PALM2AKAP2: variants seen among roughly 807,000 people sequenced by gnomAD.
PALM2AKAP2 encodes PALM2 and AKAP2 fusion, also known as PALM2-AKAP2 fusion protein.
PALM2AKAP2 carries 37 observed loss-of-function variants against 71.5 expected under a neutral mutation model. The ratio of observed to expected loss-of-function variants is 0.52; its 90% CI spans 0.40 to 0.68. The LOEUF (loss-of-function observed/expected upper bound fraction) is 0.68. PALM2AKAP2 is among the 30% of genes least tolerant of loss of function. The pLI is 0.00. For synonymous variants in PALM2AKAP2, 468 were observed against 478.8 expected, an observed-to-expected ratio of 0.98 and a Z score of 0.29; for missense variants, 1,224 against 1,191.8, an observed-to-expected ratio of 1.03 and a Z score of -0.40.
chr9:109,918,803 G>T (rs1284550351), intron 3 of PALM2AKAP2, among the ~76,000 whole-genome samples: 35 of 152,342 alleles, frequency 2.3e-4, no homozygotes, highest in Non-Finnish European at 5.9e-5. Flanking sequence ...TCTGCTATTG[G>T]ATCTGACATA....
chr9:109,867,164 C>CTGTG (rs56194780), intron 1 of PALM2AKAP2: 21,401 of 395,898 alleles, frequency 0.054, 470 homozygotes, highest in Non-Finnish European at 0.073. Context: ...ACATGGTTCT[C>CTGTG]TGTGTGTGTG....
intron 3 of PALM2AKAP2, among the ~76,000 whole-genome samples, chr9:109,917,848 C>T (rs1027650073): frequency 6.6e-6 from 1 of 151,494 alleles, no homozygotes; most frequent in Non-Finnish European, 1.5e-5. Context: ...TTTTTACTTA[C>T]ATCTCATTGG....
chr9:110,043,536 T>G (rs1833541379), intron 7 of PALM2AKAP2, among the ~76,000 whole-genome samples: 1 of 152,156 alleles, frequency 6.6e-6, no homozygotes, highest in Non-Finnish European at 1.5e-5. Context: ...TCACTTGATT[T>G]TCATCATTCC....
chr9:109,967,870 G>A (rs1045610066), intron 6 of PALM2AKAP2, among the ~76,000 whole-genome samples: 3 of 152,174 alleles, frequency 2.0e-5, no homozygotes, highest in Admixed American at 6.5e-5. Context: ...TGGGTTTGGG[G>A]TACCATGAAG....
intron 3 of PALM2AKAP2, among the ~76,000 whole-genome samples, chr9:109,897,472 C>T (rs1383477159): frequency 6.6e-6 from 1 of 151,726 alleles, no homozygotes; most frequent in African/African-American, 2.4e-5. Context: ...CCCAGCTACT[C>T]GGGAGGCTGA....
intron 1 of PALM2AKAP2, among the ~76,000 whole-genome samples, chr9:109,846,910 A>G (rs142882190): frequency 6.6e-6 from 1 of 152,346 alleles, no homozygotes; most frequent in African/African-American, 2.4e-5. Context: ...AATGTTGGCC[A>G]GGACAGCACT....
chr9:109,940,498 G>T (rs573273672), intron 6 of PALM2AKAP2, among the ~76,000 whole-genome samples: 2 of 152,162 alleles, frequency 1.3e-5, no homozygotes, highest in African/African-American at 4.8e-5. Flanking sequence ...AGATATTTAC[G>T]TCTGGGATGG....
At position 109,702,752 on chromosome 9, in the gene PALM2AKAP2, T is replaced by TAAA. The variant is rs566421995; in HGVS notation, c.5+61897_5+61899dup. Among the ~76,000 whole-genome samples, 56 of 139,586 alleles carry TAAA rather than the reference T, an allele frequency of 4.0e-4. 1 individual carries two copies. Among genetic ancestry groups the TAAA allele is most frequent in the Admixed American group, 7.8e-4 (11 of 14,014 alleles). 91.6% of individuals were successfully genotyped at this position (139,586 alleles called of 152,430 possible). On this transcript the variant is annotated intron_variant, in intron 1 of 6. Transcript: ENST00000374531. ...TGCCCTAAAACTTAAGGTATAATAA[T>TAAA]AAAAAAAAAAAAAGAAAATAAATCC...
upstream of PALM2AKAP2, chr9:109,780,280 G>A (rs1266222962): frequency 1.7e-6 from 2 of 1,209,096 alleles, no homozygotes; most frequent in Non-Finnish European, 2.1e-6. Flanking sequence ...GCAGCCAGGC[G>A]GCCGGGAGGG....
intron 1 of PALM2AKAP2, among the ~76,000 whole-genome samples, chr9:109,685,031 A>G (rs1372001280): frequency 3.3e-5 from 5 of 152,254 alleles, no homozygotes; most frequent in African/African-American, 1.2e-4. Flanking sequence ...TATACTAAGT[A>G]GAGAAACCAG....
rs536547566 is a variant in PALM2AKAP2, at chr9:110,009,271, T to G, written c.497-6683T>G. Among the ~76,000 whole-genome samples, 34 of 152,256 alleles carry G rather than the reference T, an allele frequency of 2.2e-4. No homozygotes were observed. The South Asian group carries it at 6.9e-3, about 31-fold the overall frequency. On this transcript the variant is annotated intron_variant, in intron 6 of 9. Coordinates refer to the PALM2AKAP2 transcript ENST00000302798. ...TTTGACCCTTTAATTTTACTTTTAC[T>G]TTTATTTTATTTTTAGTACTAACCA...
intron 1 of PALM2AKAP2, among the ~76,000 whole-genome samples, chr9:110,060,348 C>A (rs1833937274): frequency 6.6e-6 from 1 of 151,928 alleles, no homozygotes; most frequent in Admixed American, 6.5e-5. Context: ...AGTGATCTGC[C>A]CACCTTGGCC....
chr9:110,054,713 C>T (rs1833795180), intron 1 of PALM2AKAP2, among the ~76,000 whole-genome samples: 1 of 152,126 alleles, frequency 6.6e-6, no homozygotes, highest in Admixed American at 6.5e-5. Context: ...GCTGGGACTA[C>T]AGGTGCATGC....
chr9:109,920,935 T>C (rs977524831), intron 3 of PALM2AKAP2, among the ~76,000 whole-genome samples: 1 of 152,218 alleles, frequency 6.6e-6, no homozygotes, highest in African/African-American at 2.4e-5. Context: ...TGTGACTGTC[T>C]CGTGTGTTGT....
At chr9:109,701,045 G>T (rs183174509) in intron 1 of PALM2AKAP2, among the ~76,000 whole-genome samples, 194 of 152,292 alleles carry the variant, frequency 1.3e-3, no homozygotes, top group African/African-American at 3.7e-3. Context: ...ATATTTTAAA[G>T]AATATTTTGT....
chr9:109,867,634 T>C, intron 2 of PALM2AKAP2, 63 bp downstream of exon 2: 1 of 1,537,218 alleles, frequency 6.5e-7, no homozygotes. Context: ...TCCGGAGAGC[T>C]GGGCAGTGCC....
At chr9:110,055,807 G>A (rs926211011) in intron 1 of PALM2AKAP2, among the ~76,000 whole-genome samples, 1 of 152,144 alleles carries the variant, frequency 6.6e-6, no homozygotes, top group African/African-American at 2.4e-5. Context: ...GTAGGGTTTC[G>A]AAGATAATTT....
intron 1 of PALM2AKAP2, among the ~76,000 whole-genome samples, chr9:109,840,921 G>A: frequency 6.6e-6 from 1 of 152,202 alleles, no homozygotes; most frequent in Non-Finnish European, 1.5e-5. Context: ...CTGTTGGTGG[G>A]ATGTAAACTA....
intron 1 of PALM2AKAP2, among the ~76,000 whole-genome samples, chr9:109,814,147 C>A (rs1468701599): frequency 6.6e-6 from 1 of 152,222 alleles, no homozygotes; most frequent in Non-Finnish European, 1.5e-5. Flanking sequence ...ATGAAGCTCC[C>A]AGTTTCACAT....
Sources: allele counts gnomAD v4.1 joint callset (sites outside exome capture counted in the v4.1 genomes callset), GRCh38; gene constraint gnomAD v4.1.1; transcripts MANE v1.5; gene names NCBI Gene and HGNC (gene_info 2026-07-23, HGNC 2026-07-21).